The following OPRL1 variants were observed in gnomAD, a reference collection of about 807,000 sequenced individuals.
OPRL1 encodes the protein nociceptin receptor.
OPRL1 carries 5 observed loss-of-function variants against 15.5 expected under a neutral mutation model. The ratio of observed to expected loss-of-function variants is 0.32; its 90% CI spans 0.17 to 0.68. The LOEUF (loss-of-function observed/expected upper bound fraction) is 0.68. OPRL1 is among the 30% of genes least tolerant of loss of function. OPRL1 has a pLI of 0.72. For synonymous variants in OPRL1, 223 were observed against 230.2 expected, an observed-to-expected ratio of 0.97 and a Z score of 0.28; for missense variants, 406 against 515.3, an observed-to-expected ratio of 0.79 and a Z score of 2.05.
In OPRL1 at chr20:64,098,362, G is replaced by C; in HGVS notation, c.676G>C (p.Val226Leu). 4 of 1,613,822 alleles carry C rather than the reference G, an allele frequency of 2.5e-6. No homozygotes were observed. The highest frequency in any genetic ancestry group is 3.4e-6 in the Non-Finnish European group (4 of 1,179,992). The part of the protein sequence containing the change: ...AICIFLFSFI[V>L]PVLVISVCYS... ...CTGCATCTTCCTCTTCTCCTTCATC[G>C]TCCCCGTGCTCGTCATCTCTGTCTG... is the stretch of plus-strand genomic sequence containing the variant. The change falls in exon 5 of 5, where the codon GTC (valine) becomes CTC (leucine). Residue 226 changes from valine (V) to leucine (L), a missense_variant. By Grantham distance (32) the Val-to-Leu change is conservative. Coordinates refer to ENST00000336866, the MANE Select transcript of OPRL1 (RefSeq NM_182647.4).
intron 1 of OPRL1, chr20:64,086,574 T>C: frequency 1.0e-5 from 2 of 197,748 alleles, no homozygotes; most frequent in Non-Finnish European, 2.3e-5. Context: ...TGCCAAGGCC[T>C]GACGATGAAA....
In OPRL1 at chr20:64,098,368, G is replaced by T. The variant is rs771696747; in HGVS notation, c.682G>T (p.Val228Leu). The T allele has an allele frequency of 1.9e-6, 3 of 1,613,760 alleles. No individual in the cohort carries two copies. Among genetic ancestry groups the T allele is most frequent in the Non-Finnish European group, 2.5e-6 (3 of 1,180,004 alleles). ...CTTCCTCTTCTCCTTCATCGTCCCC[G>T]TGCTCGTCATCTCTGTCTGCTACAG... ...CIFLFSFIVP[V>L]LVISVCYSLM... The change falls in exon 5 of 5, where the codon GTG becomes TTG. Residue 228 changes from valine to leucine, a missense_variant. Coordinates refer to ENST00000336866, the MANE Select transcript of OPRL1 (RefSeq NM_182647.4).
chr20:64,098,892 C>A lies in OPRL1; in HGVS notation c.*93C>A. 2.1e-6 allele frequency: 3 copies of A among 1,450,496 alleles called. No homozygotes were observed. Among genetic ancestry groups the A allele is most frequent in the Admixed American group, 2.4e-5 (1 of 41,900 alleles). 89.9% of individuals were successfully genotyped at this position (1,450,496 alleles called of 1,614,324 possible). A position where few individuals can be genotyped will look rare whatever the true frequency, so the allele number is the denominator to read the frequency against. ...CACAGGTCACTGCTCTCTAGGCGGA[C>A]ACACCCTGGGCCCTGAGCATCCAGA... On this transcript the variant is annotated 3_prime_UTR_variant, in exon 5 of 5. Coordinates refer to ENST00000336866, the MANE Select transcript of OPRL1 (RefSeq NM_182647.4).
At chr20:64,085,880 C>T (rs2060043452) in intron 1 of OPRL1, among the ~76,000 whole-genome samples, 1 of 152,300 alleles carries the variant, frequency 6.6e-6, no homozygotes, top group South Asian at 2.1e-4. Context: ...TGACATTCAG[C>T]CCTATGTCCC....
At chr20:64,091,467 G>C (rs2060115896) in intron 1 of OPRL1, among the ~76,000 whole-genome samples, 1 of 152,246 alleles carries the variant, frequency 6.6e-6, no homozygotes, top group Non-Finnish European at 1.5e-5. Flanking sequence ...CGGGTATGGT[G>C]GGGGTGACTG....
rs1555939083 is a variant in OPRL1, at chr20:64,088,732, AAG to A, written c.-184-3233_-184-3232del. On this transcript the variant is annotated intron_variant, in intron 1 of 4. Coordinates refer to ENST00000336866, the MANE Select transcript of OPRL1 (RefSeq NM_182647.4). Reference sequence around the variant, plus strand: ...TGTGCAGAGTGGCCAGGATCTGTGCAAGGGGTAGGATCTGTGCAGAGTGGCCA... The same window carrying A: ...TGTGCAGAGTGGCCAGGATCTGTGCAGGGTAGGATCTGTGCAGAGTGGCCA... Among the ~76,000 whole-genome samples, 18 of 12,518 alleles carry A rather than the reference AAG, an allele frequency of 1.4e-3. 1 individual carries two copies. Among genetic ancestry groups the A allele is most frequent in the Non-Finnish European group, 2.5e-3 (13 of 5,304 alleles). 8.2% of individuals were successfully genotyped at this position (12,518 alleles called of 152,430 possible). A position where few individuals can be genotyped will look rare whatever the true frequency, so the allele number is the denominator to read the frequency against.
rs1042401139 is a variant in OPRL1 at position 64,089,294 on chromosome 20, G to A, written c.-184-2672G>A. ...CACGGCCTTCTGCTGGACCCTGAAC[G>A]GCTCCCACAGAGGGAGTTGAGGTCT... On this transcript the variant is annotated intron_variant, in intron 1 of 4. Transcript: ENST00000336866. The surrounding 1 kb of genome is among the most constrained non-coding windows in gnomAD (Gnocchi z 5.5). Among the ~76,000 whole-genome samples the A allele has an allele frequency of 2.0e-5, 3 of 152,236 alleles. No individual in the cohort carries two copies. Among genetic ancestry groups the A allele is most frequent in the East Asian group, 1.9e-4 (1 of 5,172 alleles).
chr20:64,088,773 G>GAGGGC (rs2060087744), intron 1 of OPRL1, among the ~76,000 whole-genome samples: 3 of 135,486 alleles, frequency 2.2e-5, no homozygotes, highest in Non-Finnish European at 4.9e-5. Context: ...TCTGTGCAGG[G>GAGGGC]AGGGTAGGAT....
At chr20:64,093,052 G>T in intron 3 of OPRL1, 99 bp downstream of exon 3, 1 of 1,024,908 alleles carries the variant, frequency 9.8e-7, no homozygotes. Context: ...AGCAGGTGTT[G>T]ATTTCCTGCT....
Position 64,083,259 on chromosome 20 carries a change from T to A in OPRL1, c.-185+2907T>A. The A allele has an allele frequency of 1.1e-6, 1 of 883,930 alleles. No individual in the cohort carries two copies. Among genetic ancestry groups the A allele is most frequent in the Non-Finnish European group, 1.7e-6 (1 of 589,782 alleles). The allele number at this position is 883,930 out of a possible 1,614,324, so 54.8% of individuals were successfully genotyped here. A position where few individuals can be genotyped will look rare whatever the true frequency, so the allele number is the denominator to read the frequency against. ...ACCCACTTGCGTCTCCCCACTTTTT[T>A]GGGAGAGGCCCCACTCTCTGTACCC... On this transcript the variant is annotated intron_variant, in intron 1 of 4. Coordinates refer to ENST00000336866, the MANE Select transcript of OPRL1 (RefSeq NM_182647.4). The surrounding 1 kb of genome is among the most constrained non-coding windows in gnomAD (Gnocchi z 4.9).
rs2060106213 is a variant in OPRL1, at chr20:64,090,207, C to T, written c.-184-1759C>T. Among the ~76,000 whole-genome samples the T allele has an allele frequency of 6.6e-6, 1 of 152,214 alleles. No homozygotes were observed. The highest frequency in any genetic ancestry group is 2.4e-5 in the African/African-American group (1 of 41,440). On this transcript the variant is annotated intron_variant, in intron 1 of 4. Coordinates refer to ENST00000336866, the MANE Select transcript of OPRL1 (RefSeq NM_182647.4). This position sits in a 1 kb window ranked among gnomAD's most constrained non-coding sequence, Gnocchi z 4.9. ...TCTGAGTGTGTACCCATCCATGTCTCTGTGTGTTCACCCGTATGCCTGTCT... is the reference window on the plus strand; with the variant it reads ...TCTGAGTGTGTACCCATCCATGTCTTTGTGTGTTCACCCGTATGCCTGTCT...
In OPRL1 at chr20:64,098,731, G is replaced by C; in HGVS notation, c.1045G>C (p.Val349Leu). The change falls in exon 5 of 5, where the codon GTG becomes CTG. Residue 349 changes from valine to leucine, a missense_variant. Coordinates refer to ENST00000336866, the MANE Select transcript of OPRL1 (RefSeq NM_182647.4). ...LRRDVQVSDR[V>L]RSIAKDVALA... ...CCGGGACGTGCAGGTGTCTGACCGCGTGCGCAGCATTGCCAAGGACGTGGC... is the reference window on the plus strand; with the variant it reads ...CCGGGACGTGCAGGTGTCTGACCGCCTGCGCAGCATTGCCAAGGACGTGGC... 1 of 1,611,474 alleles carries C rather than the reference G, an allele frequency of 6.2e-7. No individual in the cohort carries two copies. Among genetic ancestry groups the C allele is most frequent in the Non-Finnish European group, 8.5e-7 (1 of 1,179,950 alleles).
chr20:64,083,298 G>A lies in OPRL1; in HGVS notation c.-185+2946G>A, dbSNP rs1269075108. ...CTCTCTGTACCCTGATGTCTGTGAG[G>A]TGCATGGGAGAGGCAGCGTCCATAC... is the stretch of plus-strand genomic sequence containing the variant. On this transcript the variant is annotated intron_variant, in intron 1 of 4. Coordinates refer to ENST00000336866, the MANE Select transcript of OPRL1 (RefSeq NM_182647.4). The surrounding 1 kb of genome is among the most constrained non-coding windows in gnomAD (Gnocchi z 4.9). 37 of 1,283,300 alleles carry A rather than the reference G, an allele frequency of 2.9e-5. No individual in the cohort carries two copies. In the Admixed American group the frequency reaches 5.8e-4, roughly 20 times the overall value. 79.5% of individuals were successfully genotyped at this position (1,283,300 alleles called of 1,614,324 possible).
At chr20:64,084,493 C>G in intron 1 of OPRL1, 1 of 784,866 alleles carries the variant, frequency 1.3e-6, no homozygotes. Flanking sequence ...TAGGAAATAT[C>G]TTTCCTACCC....
chr20:64,091,360 G>T (rs544591999), intron 1 of OPRL1, among the ~76,000 whole-genome samples: 2 of 152,202 alleles, frequency 1.3e-5, no homozygotes, highest in African/African-American at 2.4e-5. Flanking sequence ...TGCCCTGGGC[G>T]TGTCTCCAAG....
chr20:64,083,383 A>T lies in OPRL1; in HGVS notation c.-185+3031A>T. 1 of 1,610,196 alleles carries T rather than the reference A, an allele frequency of 6.2e-7. No homozygotes were observed. The highest frequency in any genetic ancestry group is 8.5e-7 in the Non-Finnish European group (1 of 1,178,896). Reference sequence around the variant, plus strand: ...CAAAAAGACCAGCGAGCCTTCGGAGAATTATAACTTTATGTGGGAGGCTGG... The same window carrying T: ...CAAAAAGACCAGCGAGCCTTCGGAGTATTATAACTTTATGTGGGAGGCTGG... On this transcript the variant is annotated intron_variant, in intron 1 of 4. Coordinates refer to ENST00000336866, the MANE Select transcript of OPRL1 (RefSeq NM_182647.4). This position sits in a 1 kb window ranked among gnomAD's most constrained non-coding sequence, Gnocchi z 4.9.
chr20:64,088,932 G>GTGGCCAGGATCTGTGCAGGGA (rs1555939187), intron 1 of OPRL1, among the ~76,000 whole-genome samples: 1 of 4,042 alleles, frequency 2.5e-4, no homozygotes, highest in African/African-American at 7.0e-4. Context: ...ATCTGTGCAA[G>GTGGCCAGGATCTGTGCAGGGA]GGGTAGGATC....
In OPRL1 at chr20:64,090,119, C is replaced by T. The variant is rs1051894134; in HGVS notation, c.-184-1847C>T. The stretch of plus-strand genomic sequence containing the variant: ...AGGTCTACCCATGTGCCTGCGTGCA[C>T]GTTGGCGTCATCTTGCATGTGTGTG... On this transcript the variant is annotated intron_variant, in intron 1 of 4. Coordinates refer to ENST00000336866, the MANE Select transcript of OPRL1 (RefSeq NM_182647.4). The surrounding 1 kb of genome is among the most constrained non-coding windows in gnomAD (Gnocchi z 4.9). Among the ~76,000 whole-genome samples, 1 of 152,198 alleles carries T rather than the reference C, an allele frequency of 6.6e-6. No homozygotes were observed. Among genetic ancestry groups the T allele is most frequent in the Non-Finnish European group, 1.5e-5 (1 of 68,032 alleles).
rs747635263 is a variant in OPRL1, at chr20:64,083,581, A to C, written c.-185+3229A>C. 35 of 1,509,680 alleles carry C rather than the reference A, an allele frequency of 2.3e-5. No individual in the cohort carries two copies. In the African/African-American group the frequency reaches 4.9e-4, roughly 21 times the overall value. The allele number at this position is 1,509,680 out of a possible 1,614,324, so 93.5% of individuals were successfully genotyped here. On this transcript the variant is annotated intron_variant, in intron 1 of 4. Transcript: ENST00000336866. The surrounding 1 kb of genome is among the most constrained non-coding windows in gnomAD (Gnocchi z 4.9). The stretch of plus-strand genomic sequence containing the variant: ...CCCGCCCCTACCGGGGCTTGTCTGC[A>C]CCTCTTGGCGGTCCAGGGGGTCCGG...
Sources: allele counts gnomAD v4.1 joint callset (sites outside exome capture counted in the v4.1 genomes callset), GRCh38; gene constraint gnomAD v4.1.1; non-coding constraint Gnocchi (gnomAD v3.1); transcripts MANE v1.5; gene names NCBI Gene and HGNC (gene_info 2026-07-23, HGNC 2026-07-21).